The following PRKG1 variants were observed in gnomAD, a reference collection of about 807,000 sequenced individuals.
PRKG1 encodes protein kinase cGMP-dependent 1.
Under a neutral mutation model 88.1 loss-of-function variants are expected in PRKG1, and 35 were observed. The observed-to-expected ratio is 0.40, with a 90% CI of 0.30 to 0.53. The LOEUF is 0.53. Ranked by LOEUF, PRKG1 falls within the 20% of genes least tolerant of loss-of-function variation. The probability of loss-of-function intolerance (pLI) is 0.59; values close to 1 mark genes in which losing one functional copy is unlikely to be tolerated. For synonymous variants in PRKG1, 303 were observed against 292.5 expected, an observed-to-expected ratio of 1.04 and a Z score of -0.37; for missense variants, 540 against 839.8, an observed-to-expected ratio of 0.64 and a Z score of 4.41.
intron 2 of PRKG1, among the ~76,000 whole-genome samples, chr10:51,182,141 C>A (rs1035503977): frequency 6.6e-6 from 1 of 152,050 alleles, no homozygotes; most frequent in Non-Finnish European, 1.5e-5. Flanking sequence ...AACACCAGTC[C>A]TTTGAGCTGG....
chr10:51,393,059 AGGCGGGGCGGCTGCCGGGCGG>A (rs1837471739), intron 2 of PRKG1, among the ~76,000 whole-genome samples: 1 of 139,496 alleles, frequency 7.2e-6, no homozygotes. Context: ...CTCACTTCTC[AGGCGGGGCGGCTGCCGGGCGG>A]AGGGGCTCCT....
chr10:52,036,493 A>G lies in PRKG1; in HGVS notation c.763-17991A>G, dbSNP rs376714453. Among the ~76,000 whole-genome samples the G allele has an allele frequency of 2.3e-3, 352 of 150,960 alleles. 2 individuals are homozygous for G. The East Asian group carries it at 0.033, about 14-fold the overall frequency. The stretch of plus-strand genomic sequence containing the variant: ...TAACAGGCTTTAATCTTTTTAAAGC[A>G]TGCTGCGGGATGGGATATTGGCGTT... On this transcript the variant is annotated intron_variant, in intron 5 of 17. Coordinates refer to ENST00000373980, the MANE Select transcript of PRKG1 (RefSeq NM_006258.4).
intron 2 of PRKG1, among the ~76,000 whole-genome samples, chr10:51,280,445 G>A (rs1840261507): frequency 6.6e-6 from 1 of 152,156 alleles, no homozygotes. Context: ...AGTTCTCCTG[G>A]ATAATATCCT....
rs182331146 is a variant in PRKG1 at position 51,521,290 on chromosome 10, A to G, written c.592+53454A>G. ...GGGTGACAGAGCGAGACTCTGTCTC[A>G]AAAAAACAAAAAACTACAGTGCCTA... On this transcript the variant is annotated intron_variant, in intron 3 of 17. Coordinates refer to ENST00000373980, the MANE Select transcript of PRKG1 (RefSeq NM_006258.4). Among the ~76,000 whole-genome samples the G allele has an allele frequency of 4.4e-3, 667 of 152,296 alleles. 1 individual carries two copies. Among genetic ancestry groups the G allele is most frequent in the African/African-American group, 0.015 (633 of 41,570 alleles).
intron 9 of PRKG1, among the ~76,000 whole-genome samples, chr10:52,203,572 T>C (rs1216313750): frequency 6.6e-6 from 1 of 152,200 alleles, no homozygotes. Context: ...CCGAATATCT[T>C]TGTTAGTTTT....
intron 5 of PRKG1, among the ~76,000 whole-genome samples, chr10:52,003,787 A>G (rs570791860): frequency 6.6e-6 from 1 of 152,180 alleles, no homozygotes; most frequent in African/African-American, 2.4e-5. Context: ...TCCTCAATCA[A>G]TCCTGGTTTT....
rs149267978 is a variant in PRKG1, at chr10:51,483,133, G to T, written c.592+15297G>T. 2.2e-3 allele frequency among the ~76,000 whole-genome samples: 325 copies of T among 149,826 alleles called. 1 individual carries two copies. The highest frequency in any genetic ancestry group is 7.6e-3 in the African/African-American group (307 of 40,652). On this transcript the variant is annotated intron_variant, in intron 3 of 17. Coordinates refer to ENST00000373980, the MANE Select transcript of PRKG1 (RefSeq NM_006258.4). ...CCTCCTGGATTCAAGCAATTCTTCC[G>T]CGTCAGCCTCCCGAGTAGCTGGGAC...
intron 3 of PRKG1, among the ~76,000 whole-genome samples, chr10:51,633,655 C>T (rs1224532326): frequency 6.6e-6 from 1 of 152,148 alleles, no homozygotes; most frequent in East Asian, 1.9e-4. Flanking sequence ...AATGCATGCC[C>T]TGTCTTATCA....
Position 51,911,769 on chromosome 10 carries a change from A to G in PRKG1, c.762+4199A>G, listed in dbSNP as rs923153822. 3.3e-5 allele frequency among the ~76,000 whole-genome samples: 5 copies of G among 152,364 alleles called. No homozygotes were observed. The East Asian group carries it at 9.6e-4, about 29-fold the overall frequency. ...AGAGCAAAAGCAATACTGAAGTCAC[A>G]TAACATTAAGGGGAAATGTGCTTGC... On this transcript the variant is annotated intron_variant, in intron 5 of 17. Transcript: ENST00000373980.
At chr10:51,174,099 A>G (rs565347765) in intron 2 of PRKG1, among the ~76,000 whole-genome samples, 5 of 151,936 alleles carry the variant, frequency 3.3e-5, no homozygotes, top group Non-Finnish European at 7.4e-5. Context: ...CCACAAAAAT[A>G]TAAGTATGTG....
intron 3 of PRKG1, among the ~76,000 whole-genome samples, chr10:51,638,783 T>C (rs1026372865): frequency 6.6e-6 from 1 of 152,092 alleles, no homozygotes; most frequent in Non-Finnish European, 1.5e-5. Context: ...TAATGACACA[T>C]TGAAACCATT....
At chr10:51,543,680 G>A (rs1410392224) in intron 3 of PRKG1, among the ~76,000 whole-genome samples, 1 of 152,180 alleles carries the variant, frequency 6.6e-6, no homozygotes, top group Non-Finnish European at 1.5e-5. Flanking sequence ...CTGCTCTGCT[G>A]TGAAGACTAG....
At chr10:51,100,816 A>T (rs1267841620) in intron 1 of PRKG1, among the ~76,000 whole-genome samples, 2 of 152,218 alleles carry the variant, frequency 1.3e-5, no homozygotes, top group African/African-American at 4.8e-5. Context: ...CTAAAGACTT[A>T]TGAATCTTGC....
At chr10:52,188,230 GTA>G (rs1454940699) in intron 9 of PRKG1, among the ~76,000 whole-genome samples, 1 of 71,704 alleles carries the variant, frequency 1.4e-5, no homozygotes, top group Non-Finnish European at 3.5e-5. Context: ...ATATACATAT[GTA>G]TATATATACA....
chr10:52,198,824 G>GTA, intron 9 of PRKG1, among the ~76,000 whole-genome samples: 1 of 151,700 alleles, frequency 6.6e-6, no homozygotes, highest in East Asian at 1.9e-4. Flanking sequence ...GTGTGTGTGT[G>GTA]TGTGTGTGTG....
At chr10:51,261,976 T>A (rs1371439740) in intron 2 of PRKG1, among the ~76,000 whole-genome samples, 2 of 145,156 alleles carry the variant, frequency 1.4e-5, no homozygotes, top group Non-Finnish European at 3.0e-5. Flanking sequence ...AAGCTCTGCC[T>A]CCCGGGTTCA....
At chr10:51,968,470 A>T (rs1432030018) in intron 5 of PRKG1, among the ~76,000 whole-genome samples, 2 of 152,112 alleles carry the variant, frequency 1.3e-5, no homozygotes, top group Non-Finnish European at 2.9e-5. Context: ...AATTACTCAT[A>T]CATACATTCA....
At chr10:52,164,146 T>A (rs1389641788) in intron 9 of PRKG1, among the ~76,000 whole-genome samples, 1 of 151,150 alleles carries the variant, frequency 6.6e-6, no homozygotes, top group Non-Finnish European at 1.5e-5. Flanking sequence ...AGGTCAGGAG[T>A]TTGAGACCAG....
chr10:51,696,086 A>T (rs2132401983), intron 3 of PRKG1: 1 of 152,324 alleles, frequency 6.6e-6, no homozygotes, highest in African/African-American at 2.4e-5. Context: ...TATGTATATT[A>T]GGACTAAATG....
Sources: allele counts gnomAD v4.1 joint callset (sites outside exome capture counted in the v4.1 genomes callset), GRCh38; gene constraint gnomAD v4.1.1; transcripts MANE v1.5; gene names NCBI Gene and HGNC (gene_info 2026-07-23, HGNC 2026-07-21).